Variants in LINGO2 observed in about 807,000 individuals in gnomAD.
LINGO2 encodes leucine-rich repeat and immunoglobulin-like domain-containing nogo receptor-interacting protein 2.
In LINGO2, 14 loss-of-function variants were observed where a neutral mutation model predicts 30.6. The ratio of observed to expected loss-of-function variants is 0.46; its 90% CI spans 0.30 to 0.72. LINGO2 has a LOEUF of 0.72. LINGO2 is among the 30% of genes least tolerant of loss of function. The pLI is 0.07. For missense variants in LINGO2, 729 were observed against 751.7 expected (o/e 0.97, Z 0.35); for synonymous variants, 317 against 288.5 (o/e 1.10, Z -1.00).
At chr9:28,270,574 AC>A (rs1474549036) in intron 4 of LINGO2, among the ~76,000 whole-genome samples, 1 of 152,044 alleles carries the variant, frequency 6.6e-6, no homozygotes, top group Non-Finnish European at 1.5e-5. Flanking sequence ...CCTACCAGCC[AC>A]CTCCCTTATG....
chr9:28,698,330 G>C, the LINGO2 span, among the ~76,000 whole-genome samples: 6 of 151,934 alleles, frequency 3.9e-5, no homozygotes, highest in East Asian at 1.2e-3. Flanking sequence ...ATCCTTCTAA[G>C]TTAGAATCCT....
intron 1 of LINGO2, among the ~76,000 whole-genome samples, chr9:28,652,855 T>C (rs1476696688): frequency 1.3e-5 from 2 of 152,010 alleles, no homozygotes; most frequent in African/African-American, 2.4e-5. Context: ...CATAGTATAT[T>C]AGTATTAAGG....
the LINGO2 span, among the ~76,000 whole-genome samples, chr9:29,120,435 T>C: frequency 3.3e-5 from 5 of 152,290 alleles, no homozygotes; most frequent in Middle Eastern, 6.8e-3. Flanking sequence ...CACAGTTAAA[T>C]TGTGTAATCA....
At chr9:27,949,556 G>A in exon 6 of LINGO2, 2 of 1,614,096 alleles carry the variant, frequency 1.2e-6, no homozygotes, top group Non-Finnish European at 8.5e-7. Flanking sequence ...CAAACTGCAG[G>A]GTGGGCTGTC....
At chr9:28,874,334 T>C in the LINGO2 span, among the ~76,000 whole-genome samples, 1 of 151,990 alleles carries the variant, frequency 6.6e-6, no homozygotes, top group Non-Finnish European at 1.5e-5. Flanking sequence ...AAGGATATTA[T>C]GAGATTAAAA....
the LINGO2 span, among the ~76,000 whole-genome samples, chr9:29,017,100 ATGT>A: frequency 1.3e-5 from 2 of 152,286 alleles, no homozygotes; most frequent in African/African-American, 2.4e-5. Context: ...ACTTCCAAAT[ATGT>A]TGTTATTAAA....
At chr9:28,186,602 T>C (rs1387285787) in intron 4 of LINGO2, among the ~76,000 whole-genome samples, 1 of 152,008 alleles carries the variant, frequency 6.6e-6, no homozygotes, top group Non-Finnish European at 1.5e-5. Context: ...AGGGGACGTG[T>C]GGAGTTGGAA....
At chr9:28,612,918 A>G (rs1825979985) in intron 1 of LINGO2, among the ~76,000 whole-genome samples, 1 of 152,112 alleles carries the variant, frequency 6.6e-6, no homozygotes. Flanking sequence ...ATAATCCCCA[A>G]GTGTCAAGGG....
chr9:28,916,751 T>C, the LINGO2 span, among the ~76,000 whole-genome samples: 4 of 152,042 alleles, frequency 2.6e-5, no homozygotes, highest in Non-Finnish European at 4.4e-5. Context: ...GTTATGCACA[T>C]GCCCTTAGCT....
chr9:28,426,605 T>C (rs1014694088), intron 2 of LINGO2, among the ~76,000 whole-genome samples: 1 of 152,096 alleles, frequency 6.6e-6, no homozygotes, highest in Non-Finnish European at 1.5e-5. Context: ...GCAGGTATAC[T>C]GTGCTGATGT....
the LINGO2 span, among the ~76,000 whole-genome samples, chr9:29,032,379 T>G: frequency 6.6e-6 from 1 of 152,162 alleles, no homozygotes; most frequent in Non-Finnish European, 1.5e-5. Context: ...TGACAATACA[T>G]ACAGCAAAGC....
At chr9:28,974,551 T>C in the LINGO2 span, among the ~76,000 whole-genome samples, 3 of 152,192 alleles carry the variant, frequency 2.0e-5, no homozygotes, top group Non-Finnish European at 4.4e-5. Flanking sequence ...CCCTTGTTAT[T>C]AAAGTAATGG....
chr9:28,806,262 T>C, the LINGO2 span, among the ~76,000 whole-genome samples: 1 of 152,218 alleles, frequency 6.6e-6, no homozygotes, highest in East Asian at 1.9e-4. Flanking sequence ...AGCAAAATGA[T>C]CTGGCAGCAT....
the LINGO2 span, among the ~76,000 whole-genome samples, chr9:29,085,914 T>C: frequency 6.6e-6 from 1 of 152,182 alleles, no homozygotes; most frequent in Non-Finnish European, 1.5e-5. Context: ...TCTACACTAC[T>C]TATTCCTGTT....
chr9:28,746,758 C>A, the LINGO2 span, among the ~76,000 whole-genome samples: 1 of 152,008 alleles, frequency 6.6e-6, no homozygotes, highest in African/African-American at 2.4e-5. Flanking sequence ...CAAACAATAG[C>A]AACTGTGTGA....
chr9:28,629,533 G>T (rs947330157), intron 1 of LINGO2, among the ~76,000 whole-genome samples: 1 of 151,892 alleles, frequency 6.6e-6, no homozygotes, highest in Non-Finnish European at 1.5e-5. Context: ...ATTTGGATAT[G>T]AACACTTTTT....
chr9:28,067,250 A>G (rs1165591988), intron 4 of LINGO2, among the ~76,000 whole-genome samples: 1 of 152,152 alleles, frequency 6.6e-6, no homozygotes, highest in Non-Finnish European at 1.5e-5. Context: ...GAAGACACCC[A>G]TTAACAATTA....
chr9:28,954,173 G>C, the LINGO2 span, among the ~76,000 whole-genome samples: 1 of 152,032 alleles, frequency 6.6e-6, no homozygotes, highest in Admixed American at 6.6e-5. Flanking sequence ...AGATCACTTT[G>C]TTTATTTTTG....
At chr9:28,612,960 G>A (rs1332680354) in intron 1 of LINGO2, among the ~76,000 whole-genome samples, 1 of 152,126 alleles carries the variant, frequency 6.6e-6, no homozygotes, top group Non-Finnish European at 1.5e-5. Context: ...GAATCATGGG[G>A]TGGTTTCCCC....
Sources: allele counts gnomAD v4.1 joint callset (sites outside exome capture counted in the v4.1 genomes callset), GRCh38; gene constraint gnomAD v4.1.1; transcripts MANE v1.5; gene names NCBI Gene and HGNC (gene_info 2026-07-23, HGNC 2026-07-21).